The following CNTNAP2 variants were observed in gnomAD, a reference collection of about 807,000 sequenced individuals.
CNTNAP2 encodes contactin associated protein 2.
Under a neutral mutation model 155.2 loss-of-function variants are expected in CNTNAP2, and 98 were observed. That is an observed-to-expected ratio of 0.63 (90% CI 0.54 to 0.75). The LOEUF (loss-of-function observed/expected upper bound fraction) is 0.75, where lower values mean the gene tolerates loss of function less well. CNTNAP2 is among the 30% of genes least tolerant of loss of function. CNTNAP2 has a pLI of 0.00. For missense variants in CNTNAP2, 1,727 were observed against 1,688.1 expected, an observed-to-expected ratio of 1.02 and a Z score of -0.40; for synonymous variants, 651 against 631.2, an observed-to-expected ratio of 1.03 and a Z score of -0.47.
At chr7:147,582,082 C>CG (rs1226115438) in intron 12 of CNTNAP2, among the ~76,000 whole-genome samples, 10 of 151,994 alleles carry the variant, frequency 6.6e-5, no homozygotes, top group Non-Finnish European at 1.5e-4. Context: ...AAAGAATTTT[C>CG]ATAATAGCCT....
chr7:146,236,363 C>T (rs574784912), intron 1 of CNTNAP2, among the ~76,000 whole-genome samples: 2 of 151,506 alleles, frequency 1.3e-5, no homozygotes, highest in South Asian at 2.1e-4. Context: ...ATATGGAATG[C>T]TTTTCTTGTA....
At chr7:146,979,888 CAT>C (rs1015733304) in intron 3 of CNTNAP2, among the ~76,000 whole-genome samples, 3 of 152,156 alleles carry the variant, frequency 2.0e-5, no homozygotes, top group South Asian at 4.1e-4. Context: ...AATATTTTCA[CAT>C]GTTTTGTTAA....
At chr7:146,571,946 C>G (rs371268280) in intron 1 of CNTNAP2, among the ~76,000 whole-genome samples, 2 of 152,012 alleles carry the variant, frequency 1.3e-5, no homozygotes, top group African/African-American at 4.8e-5. Context: ...TTGGCCATCC[C>G]GACCTCAGAT....
At chr7:148,224,963 T>A (rs1002815144) in intron 19 of CNTNAP2, among the ~76,000 whole-genome samples, 2 of 152,158 alleles carry the variant, frequency 1.3e-5, no homozygotes, top group Middle Eastern at 3.2e-3. Context: ...ACTGGGTCCC[T>A]CCCATGGCAC....
intron 10 of CNTNAP2, among the ~76,000 whole-genome samples, chr7:147,410,205 G>T (rs1242472193): frequency 2.0e-5 from 3 of 152,156 alleles, no homozygotes; most frequent in Non-Finnish European, 2.9e-5. Flanking sequence ...ATACTATGCA[G>T]CCATAACAAA....
intron 15 of CNTNAP2, among the ~76,000 whole-genome samples, chr7:148,020,573 A>T (rs1802261375): frequency 6.6e-6 from 1 of 152,208 alleles, no homozygotes; most frequent in Non-Finnish European, 1.5e-5. Flanking sequence ...AATCCATTTT[A>T]TTCTTTTTTT....
At chr7:146,755,570 A>T (rs1260510379) in intron 1 of CNTNAP2, among the ~76,000 whole-genome samples, 1 of 152,020 alleles carries the variant, frequency 6.6e-6, no homozygotes, top group Non-Finnish European at 1.5e-5. Flanking sequence ...AAATAACACT[A>T]CCCAATAAGT....
At chr7:147,662,986 G>GGTTT (rs148012963) in intron 13 of CNTNAP2, among the ~76,000 whole-genome samples, 2,865 of 152,048 alleles carry the variant, frequency 0.019, 49 homozygotes, top group South Asian at 0.041. Context: ...GGATGTTTCT[G>GGTTT]GTTTGTTTGT....
At chr7:146,987,405 A>G (rs1179403454) in intron 3 of CNTNAP2, among the ~76,000 whole-genome samples, 1 of 152,174 alleles carries the variant, frequency 6.6e-6, no homozygotes, top group African/African-American at 2.4e-5. Context: ...ACTAAAAGGT[A>G]AATACAAATA....
intron 1 of CNTNAP2, among the ~76,000 whole-genome samples, chr7:146,128,092 A>G (rs1197887265): frequency 6.6e-6 from 1 of 152,152 alleles, no homozygotes; most frequent in Non-Finnish European, 1.5e-5. Context: ...ATTCTTCACA[A>G]TGATCCCTGC....
At chr7:147,390,960 A>T (rs1020913376) in intron 9 of CNTNAP2, among the ~76,000 whole-genome samples, 1 of 152,052 alleles carries the variant, frequency 6.6e-6, no homozygotes, top group Non-Finnish European at 1.5e-5. Context: ...GTCTCATTCC[A>T]CTAGGCCATC....
At chr7:147,019,342 G>A (rs951415573) in intron 3 of CNTNAP2, among the ~76,000 whole-genome samples, 1 of 151,924 alleles carries the variant, frequency 6.6e-6, no homozygotes, top group African/African-American at 2.4e-5. Context: ...CATGATAGTT[G>A]ACCGAATGTT....
At chr7:147,315,113 A>C (rs1795202076) in intron 9 of CNTNAP2, among the ~76,000 whole-genome samples, 1 of 41,766 alleles carries the variant, frequency 2.4e-5, no homozygotes, top group Non-Finnish European at 7.7e-5. Context: ...GTACTTTACA[A>C]AAAAAAAAAA....
rs1800095122 is a variant in CNTNAP2, at chr7:148,420,696, ATT to A, written c.*5083_*5084del. On this transcript the variant is annotated 3_prime_UTR_variant, in exon 24 of 24. Transcript: ENST00000361727. ...CAAGTAGGCCAAGAAACAGTTCTAG[ATT>A]TTACTAAGTTTTATTTTGTCAGGTT... is the stretch of plus-strand genomic sequence containing the variant. 1 of 152,592 alleles carries A rather than the reference ATT, an allele frequency of 6.6e-6. No individual in the cohort carries two copies. Among genetic ancestry groups the A allele is most frequent in the African/African-American group, 2.4e-5 (1 of 41,434 alleles). The allele number at this position is 152,592 out of a possible 1,614,324, so 9.5% of individuals were successfully genotyped here. A position where few individuals can be genotyped will look rare whatever the true frequency, so the allele number is the denominator to read the frequency against.
At chr7:147,693,682 G>A (rs1258565870) in intron 13 of CNTNAP2, among the ~76,000 whole-genome samples, 1 of 151,876 alleles carries the variant, frequency 6.6e-6, no homozygotes, top group Non-Finnish European at 1.5e-5. Context: ...CTTTGACCTT[G>A]TATCTTGCAA....
chr7:147,644,027 T>C (rs1205886430), intron 13 of CNTNAP2, among the ~76,000 whole-genome samples: 1 of 152,222 alleles, frequency 6.6e-6, no homozygotes, highest in Non-Finnish European at 1.5e-5. Context: ...TTTATGGTCA[T>C]GTCCATTCTC....
intron 13 of CNTNAP2, among the ~76,000 whole-genome samples, chr7:147,662,960 T>G (rs1795637412): frequency 6.6e-6 from 1 of 152,050 alleles, no homozygotes; most frequent in African/African-American, 2.4e-5. Flanking sequence ...TAGAGCGTGA[T>G]TTTTTTTGTC....
At chr7:146,457,325 G>A (rs1237693149) in intron 1 of CNTNAP2, among the ~76,000 whole-genome samples, 1 of 151,050 alleles carries the variant, frequency 6.6e-6, no homozygotes, top group East Asian at 2.0e-4. Flanking sequence ...TAGAAGCTGA[G>A]GTAAAGTGTA....
chr7:146,435,737 C>T (rs745842640), intron 1 of CNTNAP2, among the ~76,000 whole-genome samples: 28 of 152,136 alleles, frequency 1.8e-4, no homozygotes, highest in Non-Finnish European at 3.4e-4. Flanking sequence ...ATTTCAACCC[C>T]CTTTATTTAA....
Sources: gnomAD v4.1 joint callset for allele counts (sites outside exome capture counted in the v4.1 genomes callset) on GRCh38, gnomAD v4.1.1 for gene constraint, MANE v1.5 for transcripts, NCBI Gene and HGNC (gene_info 2026-07-23, HGNC 2026-07-21) for gene names.